Variants in SV2C observed in about 807,000 individuals in gnomAD.
The protein encoded by SV2C is synaptic vesicle glycoprotein 2C.
In SV2C, 49 loss-of-function variants were observed where a neutral mutation model predicts 79.7. The observed-to-expected ratio is 0.61, with a 90% CI of 0.49 to 0.78. The LOEUF (loss-of-function observed/expected upper bound fraction) is 0.78, where lower values mean the gene tolerates loss of function less well. Among genes scored for constraint, SV2C ranks in the 30% least tolerant of loss-of-function variants. The pLI, the probability that SV2C is intolerant of heterozygous loss-of-function variation, is 0.00. For missense variants in SV2C, 833 were observed against 912.9 expected (o/e 0.91, Z 1.13); for synonymous variants, 334 against 333.2 (o/e 1.00, Z -0.03).
At chr5:76,257,683 G>A (rs547833174) in intron 4 of SV2C, among the ~76,000 whole-genome samples, 1 of 150,916 alleles carries the variant, frequency 6.6e-6, no homozygotes, top group Non-Finnish European at 1.5e-5. Flanking sequence ...GTGGTGTGGT[G>A]TGTGGTATGT....
chr5:76,049,870 T>C, the SV2C span, among the ~76,000 whole-genome samples: 5 of 152,246 alleles, frequency 3.3e-5, no homozygotes, highest in Non-Finnish European at 5.9e-5. Context: ...TTTAGTGATA[T>C]TATTGTTTCT....
intron 12 of SV2C, among the ~76,000 whole-genome samples, chr5:76,341,597 T>G (rs1749443154): frequency 6.6e-6 from 1 of 152,118 alleles, no homozygotes; most frequent in South Asian, 2.1e-4. Flanking sequence ...CAAAAATTAG[T>G]TTTTCCAAGC....
At chr5:76,112,800 A>G (rs1748135120) in intron 1 of SV2C, among the ~76,000 whole-genome samples, 1 of 152,208 alleles carries the variant, frequency 6.6e-6, no homozygotes, top group African/African-American at 2.4e-5. Flanking sequence ...ATACTGTTGT[A>G]TGTAATCAGA....
At chr5:76,032,746 C>A in the SV2C span, among the ~76,000 whole-genome samples, 1 of 152,174 alleles carries the variant, frequency 6.6e-6, no homozygotes, top group Non-Finnish European at 1.5e-5. Flanking sequence ...GATTTATAAT[C>A]CTTTGGGTAT....
chr5:76,282,022 A>G (rs1280523996), intron 4 of SV2C, among the ~76,000 whole-genome samples: 1 of 152,198 alleles, frequency 6.6e-6, no homozygotes, highest in Non-Finnish European at 1.5e-5. Context: ...TATCCATTGT[A>G]GTGACTTTCT....
At chr5:76,040,030 A>C in the SV2C span, among the ~76,000 whole-genome samples, 1 of 152,180 alleles carries the variant, frequency 6.6e-6, no homozygotes, top group East Asian at 1.9e-4. Context: ...GCATAACAAG[A>C]TATAATACAT....
rs1440443401 is a variant in SV2C, at chr5:76,131,922, T to C, written c.172T>C (p.Tyr58His). The change falls in exon 2 of 13, where the codon TAC becomes CAC. Residue 58 changes from tyrosine (Y) to histidine (H), a missense_variant. Coordinates refer to ENST00000502798, the MANE Select transcript of SV2C (RefSeq NM_014979.4). ...RFQDEEDDDD[Y>H]YPAGETYNGE... ...CCAAGATGAAGAAGATGATGATGAC[T>C]ACTACCCGGCTGGAGAAACCTATAA... 1.2e-6 allele frequency: 2 copies of C among 1,613,868 alleles called. No homozygotes were observed. The highest frequency in any genetic ancestry group is 1.7e-5 in the Admixed American group (1 of 60,002).
At chr5:76,280,993 A>G (rs370078161) in intron 4 of SV2C, 6 of 539,334 alleles carry the variant, frequency 1.1e-5, no homozygotes, top group Non-Finnish European at 3.8e-6. Flanking sequence ...GAAGCAAAGC[A>G]CAGGGAGGCA....
At chr5:76,121,220 T>A (rs1561224486) in intron 1 of SV2C, among the ~76,000 whole-genome samples, 1 of 152,028 alleles carries the variant, frequency 6.6e-6, no homozygotes, top group Non-Finnish European at 1.5e-5. Context: ...GGGTTGTTTG[T>A]TTTTTTCTTG....
At chr5:75,966,898 C>A in the SV2C span, among the ~76,000 whole-genome samples, 1 of 152,164 alleles carries the variant, frequency 6.6e-6, no homozygotes, top group African/African-American at 2.4e-5. Context: ...CAGATTTAGG[C>A]CCTGGGCTCT....
the SV2C span, among the ~76,000 whole-genome samples, chr5:75,983,618 G>T: frequency 6.7e-6 from 1 of 150,178 alleles, no homozygotes; most frequent in African/African-American, 2.5e-5. Flanking sequence ...AAAAAAAGAT[G>T]TTTTGGCGAA....
At chr5:76,233,829 G>C (rs1745520381) in intron 4 of SV2C, among the ~76,000 whole-genome samples, 1 of 149,520 alleles carries the variant, frequency 6.7e-6, no homozygotes, top group Non-Finnish European at 1.5e-5. Context: ...ATGTGCTGTT[G>C]CATTCGTTTT....
the SV2C span, among the ~76,000 whole-genome samples, chr5:76,049,221 C>T: frequency 3.3e-5 from 5 of 150,728 alleles, no homozygotes; most frequent in African/African-American, 9.8e-5. Context: ...CCTATAATCC[C>T]GGCTACATAA....
chr5:76,125,075 T>C (rs1335640174), intron 1 of SV2C, among the ~76,000 whole-genome samples: 2 of 152,204 alleles, frequency 1.3e-5, no homozygotes, highest in African/African-American at 4.8e-5. Context: ...TTTACCCTGG[T>C]TTATGAGATC....
chr5:75,956,191 A>G, the SV2C span, among the ~76,000 whole-genome samples: 4 of 143,944 alleles, frequency 2.8e-5, no homozygotes, highest in Non-Finnish European at 4.6e-5. Flanking sequence ...TGTGGCACAT[A>G]TACACCATGG....
chr5:76,349,281 G>T (rs1433538511), intron 12 of SV2C, among the ~76,000 whole-genome samples: 2 of 152,226 alleles, frequency 1.3e-5, no homozygotes, highest in Non-Finnish European at 2.9e-5. Flanking sequence ...GGAGGCCAAG[G>T]CAGGGGGATC....
chr5:75,973,922 A>C, the SV2C span, among the ~76,000 whole-genome samples: 25,532 of 151,898 alleles, frequency 0.17, 2,281 homozygotes, highest in Middle Eastern at 0.22. Context: ...TCTTATTTGC[A>C]CTATTTTTTA....
chr5:75,992,082 G>T, the SV2C span, among the ~76,000 whole-genome samples: 1 of 151,796 alleles, frequency 6.6e-6, no homozygotes, highest in East Asian at 1.9e-4. Context: ...TGGGTTTATG[G>T]TATATTATTA....
At chr5:75,986,363 A>G in the SV2C span, among the ~76,000 whole-genome samples, 1 of 151,728 alleles carries the variant, frequency 6.6e-6, no homozygotes, top group African/African-American at 2.4e-5. Context: ...GCAGAGAGTG[A>G]AGTGATGTGC....
Sources: gnomAD v4.1 joint callset for allele counts (sites outside exome capture counted in the v4.1 genomes callset) on GRCh38, gnomAD v4.1.1 for gene constraint, MANE v1.5 for transcripts, NCBI Gene and HGNC (gene_info 2026-07-23, HGNC 2026-07-21) for gene names.